The following MADD variants were observed in gnomAD, a reference collection of about 807,000 sequenced individuals.
The protein encoded by MADD is MAP kinase activating death domain, also known as MAP kinase-activating death domain protein.
MADD carries 109 observed loss-of-function variants against 176.7 expected under a neutral mutation model. The ratio of observed to expected loss-of-function variants is 0.62; its 90% confidence interval spans 0.53 to 0.72. The LOEUF is 0.72. Ranked by LOEUF, MADD falls within the 30% of genes least tolerant of loss-of-function variation. The pLI, the probability that MADD is intolerant of heterozygous loss-of-function variation, is 0.00. For synonymous variants in MADD, 771 were observed against 771.3 expected (o/e 1.00, Z 0.01); for missense variants, 1,914 against 2,045.5 (o/e 0.94, Z 1.24).
intron 22 of MADD, among the ~76,000 whole-genome samples, chr11:47,302,178 T>C (rs2078264710): frequency 6.6e-6 from 1 of 152,204 alleles, no homozygotes; most frequent in African/African-American, 2.4e-5. Flanking sequence ...TATCCTCTTA[T>C]TGTTATTACA....
intron 15 of MADD, 134 bp downstream of exon 16, chr11:47,289,161 C>T (rs2063177750): frequency 6.5e-6 from 6 of 925,946 alleles, no homozygotes; most frequent in African/African-American, 1.7e-5. Flanking sequence ...CCCGTGACGC[C>T]CATGCTTGCC....
chr11:47,281,696 C>T, exon 8 of MADD: 1 of 1,613,672 alleles, frequency 6.2e-7, no homozygotes, highest in Non-Finnish European at 8.5e-7. Flanking sequence ...ACACCGTCCA[C>T]TGAATTCAAC....
At chr11:47,313,146 A>G (rs1203226323) in intron 26 of MADD, among the ~76,000 whole-genome samples, 1 of 152,234 alleles carries the variant, frequency 6.6e-6, no homozygotes, top group Admixed American at 6.5e-5. Context: ...GAAAATAAGA[A>G]TTTTGGCAGA....
chr11:47,278,906 A>G (rs1446830983), intron 6 of MADD, 93 bp from the exon 7 acceptor site: 1 of 957,274 alleles, frequency 1.0e-6, no homozygotes, highest in Non-Finnish European at 1.6e-6. Context: ...ATATAATAAT[A>G]ATGTATATAC....
chr11:47,275,915 A>G (rs1319516045), exon 4 of MADD: 1 of 1,609,134 alleles, frequency 6.2e-7, no homozygotes, highest in Non-Finnish European at 8.5e-7. Flanking sequence ...CATGTGGCGG[A>G]TCTTTACTGG....
chr11:47,288,989 T>C lies in MADD; in HGVS notation c.2654-402T>C, dbSNP rs2062988967. On this transcript the variant is annotated intron_variant, in intron 15 of 32. Transcript: ENST00000402192. ...CCAGTATTTGGGCTAAATACTCTAA[T>C]GGAGATTGTTACTGAAGCCGGCCCC... The C allele has an allele frequency of 6.2e-7, 1 of 1,600,502 alleles. No homozygotes were observed. The highest frequency in any genetic ancestry group is 1.8e-5 in the Admixed American group (1 of 55,126).
intron 22 of MADD, among the ~76,000 whole-genome samples, chr11:47,307,460 GAAATA>G (rs1304604090): frequency 6.6e-6 from 1 of 152,036 alleles, no homozygotes; most frequent in Non-Finnish European, 1.5e-5. Flanking sequence ...GTTTTAATAA[GAAATA>G]AATTATATAA....
rs1565349205 is a variant in MADD at position 47,285,607 on chromosome 11, G to C, written c.2551+17G>C. The C allele has an allele frequency of 1.9e-6, 3 of 1,613,824 alleles. No individual in the cohort carries two copies. The highest frequency in any genetic ancestry group is 2.5e-6 in the Non-Finnish European group (3 of 1,179,960). ...CTTTTGCCAGTAAGTGCCTTCAGCT[G>C]TCTCTCTCACTCCTGTGTTCCATTT... On this transcript the variant is annotated intron_variant, in intron 14 of 32. Coordinates refer to ENST00000402192, the Ensembl canonical transcript of MADD.
At chr11:47,317,247 C>A (rs1195640708) in intron 27 of MADD, among the ~76,000 whole-genome samples, 2 of 152,118 alleles carry the variant, frequency 1.3e-5, no homozygotes, top group African/African-American at 4.8e-5. Flanking sequence ...TGGGTTGCTT[C>A]CAAATTTGCT....
At chr11:47,284,189 G>A (rs1322606081) in exon 11 of MADD, 1 of 1,613,044 alleles carries the variant, frequency 6.2e-7, no homozygotes, top group Non-Finnish European at 8.5e-7. Flanking sequence ...GGCAGTGATA[G>A]TATGGATTAT....
intron 30 of MADD, 72 bp from the exon 34 acceptor site, chr11:47,326,472 G>C (rs1565591939): frequency 1.6e-6 from 2 of 1,249,206 alleles, no homozygotes; most frequent in Non-Finnish European, 2.0e-6. Context: ...GCCAGCAGCA[G>C]GGCCTTCGGG....
intron 31 of MADD, 87 bp downstream of exon 35, chr11:47,326,894 A>T (rs1182322376): frequency 1.9e-6 from 3 of 1,575,550 alleles, no homozygotes; most frequent in Non-Finnish European, 2.6e-6. Context: ...AGGGGCAGGG[A>T]GAAGAAGAAC....
intron 31 of MADD, chr11:47,327,983 C>T (rs749922135): frequency 6.1e-6 from 6 of 985,370 alleles, no homozygotes; most frequent in Non-Finnish European, 7.2e-6. Context: ...CTGATGCTCC[C>T]TGTCACCTCC....
chr11:47,324,610 C>T (rs181208095), intron 30 of MADD, 33 bp downstream of exon 33: 18 of 1,467,960 alleles, frequency 1.2e-5, no homozygotes, highest in Middle Eastern at 3.4e-4. Context: ...GGCTCCCTGT[C>T]GTTCCATCTG....
intron 27 of MADD, among the ~76,000 whole-genome samples, chr11:47,318,184 C>T (rs749086080): frequency 6.6e-6 from 1 of 152,170 alleles, no homozygotes; most frequent in African/African-American, 2.4e-5. Context: ...GTGTTTTCTT[C>T]ATTTCTGTGT....
intron 18 of MADD, 88 bp from the exon 20 acceptor site, chr11:47,290,522 C>T: frequency 7.3e-7 from 1 of 1,377,492 alleles, no homozygotes; most frequent in Non-Finnish European, 1.0e-6. Context: ...CATTCCGCAC[C>T]CTCCTGTATC....
At chr11:47,275,845 T>A in intron 3 of MADD, 54 bp from the exon 4 acceptor site, 1 of 1,504,176 alleles carries the variant, frequency 6.6e-7, no homozygotes, top group Non-Finnish European at 9.1e-7. Flanking sequence ...TGAGTTGCAG[T>A]AGGGTATCAG....
At chr11:47,318,830 C>CA (rs1400289980) in intron 27 of MADD, among the ~76,000 whole-genome samples, 1 of 101,844 alleles carries the variant, frequency 9.8e-6, no homozygotes, top group African/African-American at 3.8e-5. Context: ...TTTTTTGAGA[C>CA]AGAGTCTCAC....
chr11:47,281,343 A>G (rs1361374381), intron 7 of MADD, among the ~76,000 whole-genome samples: 1 of 152,244 alleles, frequency 6.6e-6, no homozygotes, highest in East Asian at 1.9e-4. Context: ...ATGGAGAGCT[A>G]CATATTTCAA....
Sources: allele counts gnomAD v4.1 joint callset (sites outside exome capture counted in the v4.1 genomes callset), GRCh38; gene constraint gnomAD v4.1.1; transcripts MANE v1.5; gene names NCBI Gene and HGNC (gene_info 2026-07-23, HGNC 2026-07-21).